The following VPS37A variants were observed in gnomAD, a reference collection of about 807,000 sequenced individuals.
VPS37A encodes the protein VPS37A subunit of ESCRT-I.
VPS37A carries 30 observed loss-of-function variants against 49.8 expected under a neutral mutation model. That is an observed-to-expected ratio of 0.60 (90% CI 0.45 to 0.82). VPS37A has a LOEUF of 0.82. Among genes scored for constraint, VPS37A ranks in the 40% least tolerant of loss-of-function variants. The pLI is 0.00. For missense variants in VPS37A, 593 were observed against 464.4 expected, an observed-to-expected ratio of 1.28 and a Z score of -2.55; for synonymous variants, 195 against 160.6, an observed-to-expected ratio of 1.21 and a Z score of -1.62.
intron 1 of VPS37A, among the ~76,000 whole-genome samples, chr8:17,265,249 G>A (rs1327882751): frequency 6.6e-6 from 1 of 152,166 alleles, no homozygotes; most frequent in Non-Finnish European, 1.5e-5. Context: ...GCTCATATCA[G>A]TTGTCTATTA....
the VPS37A span, among the ~76,000 whole-genome samples, chr8:17,330,867 A>G: frequency 2.0e-5 from 3 of 152,224 alleles, no homozygotes; most frequent in Non-Finnish European, 4.4e-5. Flanking sequence ...TCAAACTAAC[A>G]TTATGAGGAA....
chr8:17,252,890 GT>G (rs1812104289), intron 1 of VPS37A, among the ~76,000 whole-genome samples: 1 of 152,180 alleles, frequency 6.6e-6, no homozygotes, highest in African/African-American at 2.4e-5. Flanking sequence ...TTTTGACTGT[GT>G]AAATGCACTT....
At chr8:17,315,701 CTT>C in the VPS37A span, among the ~76,000 whole-genome samples, 1 of 151,978 alleles carries the variant, frequency 6.6e-6, no homozygotes, top group South Asian at 2.1e-4. Flanking sequence ...CCAGATGTCT[CTT>C]AAGAAAAAAA....
At chr8:17,286,631 G>T (rs1815621138) in intron 11 of VPS37A, 2 of 473,396 alleles carry the variant, frequency 4.2e-6, no homozygotes, top group Non-Finnish European at 7.4e-6. Flanking sequence ...TATTTTCTGT[G>T]ATCTTGGCAT....
rs1028907937 is a variant in VPS37A at position 17,297,559 on chromosome 8, T to C, written c.*2573T>C. On this transcript the variant is annotated 3_prime_UTR_variant, in exon 12 of 12. Coordinates refer to ENST00000324849, the MANE Select transcript of VPS37A (RefSeq NM_152415.3). ...GGGTCATGGTCAAAATTCTTACCTA[T>C]TTATTTCATATCAACTTTAAAAAAT... is the stretch of plus-strand genomic sequence containing the variant. 5.4e-5 allele frequency: 8 copies of C among 149,256 alleles called. No homozygotes were observed. The highest frequency in any genetic ancestry group is 2.0e-4 in the African/African-American group (8 of 40,118). 9.2% of individuals were successfully genotyped at this position (149,256 alleles called of 1,614,324 possible). A position where few individuals can be genotyped will look rare whatever the true frequency, so the allele number is the denominator to read the frequency against.
At chr8:17,263,045 G>C (rs1813105112) in intron 1 of VPS37A, among the ~76,000 whole-genome samples, 1 of 142,164 alleles carries the variant, frequency 7.0e-6, no homozygotes. Flanking sequence ...TGATGACTGA[G>C]TGAAACCCCA....
downstream of VPS37A, among the ~76,000 whole-genome samples, chr8:17,303,390 G>C (rs1260339594): frequency 1.3e-5 from 2 of 152,082 alleles, no homozygotes; most frequent in Non-Finnish European, 2.9e-5. Context: ...ATCTATACAG[G>C]GAGAAAAGCC....
At chr8:17,276,958 T>A (rs1814571091) in intron 6 of VPS37A, among the ~76,000 whole-genome samples, 1 of 152,130 alleles carries the variant, frequency 6.6e-6, no homozygotes, top group South Asian at 2.1e-4. Flanking sequence ...GGAACTTTGC[T>A]TCTCTAAAAT....
At chr8:17,249,128 T>G (rs181356407) in intron 1 of VPS37A, among the ~76,000 whole-genome samples, 29 of 152,356 alleles carry the variant, frequency 1.9e-4, no homozygotes, top group Admixed American at 1.7e-3. Flanking sequence ...ATATTTTCAA[T>G]GCTGACTAAT....
At chr8:17,287,415 C>T (rs1476064945) in intron 11 of VPS37A, among the ~76,000 whole-genome samples, 2 of 152,136 alleles carry the variant, frequency 1.3e-5, no homozygotes, top group East Asian at 3.9e-4. Context: ...TGGCTCATGC[C>T]TGTAATCCCA....
chr8:17,319,700 A>C, the VPS37A span, among the ~76,000 whole-genome samples: 7 of 152,218 alleles, frequency 4.6e-5, no homozygotes, highest in Non-Finnish European at 1.0e-4. Context: ...AAACCAATGC[A>C]AACAGAGGCT....
At chr8:17,268,134 A>T (rs984490572) in intron 2 of VPS37A, 124 bp from the exon 3 acceptor site, 16 of 624,780 alleles carry the variant, frequency 2.6e-5, no homozygotes, top group Non-Finnish European at 3.6e-5. Context: ...ACTTATTACT[A>T]AATGACCCAT....
the VPS37A span, among the ~76,000 whole-genome samples, chr8:17,320,062 A>G: frequency 6.6e-6 from 1 of 152,204 alleles, no homozygotes; most frequent in Non-Finnish European, 1.5e-5. Context: ...AGCTTTTTAT[A>G]CTGATAATGT....
chr8:17,253,637 T>A (rs1343387517), intron 1 of VPS37A, among the ~76,000 whole-genome samples: 3 of 152,252 alleles, frequency 2.0e-5, no homozygotes, highest in Non-Finnish European at 4.4e-5. Flanking sequence ...TTTCTGAGTA[T>A]TAACTCTTTT....
At chr8:17,250,135 C>T (rs961503053) in intron 1 of VPS37A, among the ~76,000 whole-genome samples, 5 of 152,036 alleles carry the variant, frequency 3.3e-5, no homozygotes, top group East Asian at 3.9e-4. Context: ...TGTAATATAC[C>T]GCCCAGGGGA....
chr8:17,263,695 C>G (rs1450571242), intron 1 of VPS37A, among the ~76,000 whole-genome samples: 1 of 152,100 alleles, frequency 6.6e-6, no homozygotes, highest in Non-Finnish European at 1.5e-5. Context: ...GGAGTTAAAA[C>G]TTCATTGGAA....
At chr8:17,317,258 G>A in the VPS37A span, among the ~76,000 whole-genome samples, 916 of 152,284 alleles carry the variant, frequency 6.0e-3, 5 homozygotes, top group Admixed American at 0.016. Context: ...GCCGTGTGCC[G>A]TGTGCATGGG....
the VPS37A span, chr8:17,331,208 C>G: frequency 6.2e-7 from 1 of 1,612,752 alleles, no homozygotes; most frequent in Non-Finnish European, 8.5e-7. Flanking sequence ...TCCCGATAAA[C>G]TGAAACTTGA....
chr8:17,326,361 C>T, the VPS37A span: 2 of 152,200 alleles, frequency 1.3e-5, no homozygotes, highest in African/African-American at 2.4e-5. Flanking sequence ...CTTAAAAAAT[C>T]TGAACCGTGT....
Sources: allele counts gnomAD v4.1 joint callset (sites outside exome capture counted in the v4.1 genomes callset), GRCh38; gene constraint gnomAD v4.1.1; transcripts MANE v1.5; gene names NCBI Gene and HGNC (gene_info 2026-07-23, HGNC 2026-07-21).